Variants in KAZN observed in about 807,000 individuals in gnomAD.
KAZN encodes the protein kazrin, periplakin interacting protein.
A neutral mutation model predicts 87.4 loss-of-function variants in KAZN; 40 were observed. That is an observed-to-expected ratio of 0.46 (90% CI 0.36 to 0.60). The LOEUF (loss-of-function observed/expected upper bound fraction) is 0.60, where lower values mean the gene tolerates loss of function less well. Among genes scored for constraint, KAZN ranks in the 20% least tolerant of loss-of-function variants. The pLI is 0.00. For missense variants in KAZN, 898 were observed against 1,073.9 expected (o/e 0.84, Z 2.29); for synonymous variants, 466 against 458.3 (o/e 1.02, Z -0.22).
intron 1 of KAZN, among the ~76,000 whole-genome samples, chr1:14,821,494 G>T (rs538989574): frequency 6.6e-6 from 1 of 151,294 alleles, no homozygotes; most frequent in Non-Finnish European, 1.5e-5. Flanking sequence ...TCCAGCCAGG[G>T]TGACTGAGAC....
At chr1:14,541,537 A>G (rs1325903318) in intron 2 of KAZN, among the ~76,000 whole-genome samples, 1 of 152,210 alleles carries the variant, frequency 6.6e-6, no homozygotes, top group Non-Finnish European at 1.5e-5. Flanking sequence ...CTGATAAGCC[A>G]GGTAGCCTTG....
chr1:14,278,949 T>G (rs777021346), intron 2 of KAZN, among the ~76,000 whole-genome samples: 109 of 107,804 alleles, frequency 1.0e-3, no homozygotes, highest in Non-Finnish European at 2.1e-3. Flanking sequence ...TTTTTTTTTT[T>G]GGCAGGCAAG....
intron 2 of KAZN, among the ~76,000 whole-genome samples, chr1:14,189,709 A>C (rs1243593577): frequency 6.6e-6 from 1 of 152,160 alleles, no homozygotes; most frequent in Non-Finnish European, 1.5e-5. Context: ...TGTTTGTATC[A>C]AGTTTGCTGC....
chr1:14,823,484 AT>A (rs1007741952), intron 1 of KAZN, among the ~76,000 whole-genome samples: 2 of 152,100 alleles, frequency 1.3e-5, no homozygotes, highest in African/African-American at 4.8e-5. Context: ...AGTAGGAGGT[AT>A]TTGGAAATTT....
At chr1:14,279,139 A>G (rs763522345) in intron 2 of KAZN, among the ~76,000 whole-genome samples, 55 of 152,108 alleles carry the variant, frequency 3.6e-4, no homozygotes, top group Non-Finnish European at 6.9e-4. Context: ...TTGTCATATT[A>G]CTTATTTAAA....
Position 14,563,874 on chromosome 1 carries a change from C to CTTTTTTTTTTTTTTTTTTTTT in KAZN, c.250-35095_250-35094insTTTTTTTTTTTTTTTTTTTTT. 5.2e-3 allele frequency among the ~76,000 whole-genome samples: 508 copies of CTTTTTTTTTTTTTTTTTTTTT among 97,858 alleles called. 76 individuals are homozygous for CTTTTTTTTTTTTTTTTTTTTT. Among genetic ancestry groups the CTTTTTTTTTTTTTTTTTTTTT allele is most frequent in the East Asian group, 0.014 (30 of 2,206 alleles). 64.2% of individuals were successfully genotyped at this position (97,858 alleles called of 152,430 possible). A position where few individuals can be genotyped will look rare whatever the true frequency, so the allele number is the denominator to read the frequency against. On this transcript the variant is annotated intron_variant, in intron 2 of 16. Coordinates refer to the KAZN transcript ENST00000636203. ...TGCACTCAGAGTATGGTTCAAACTC[C>CTTTTTTTTTTTTTTTTTTTTT]TTTTTTTTTTTTTTGTCTGAGACAG...
At chr1:15,037,130 C>G (rs1372495932) in intron 3 of KAZN, among the ~76,000 whole-genome samples, 1 of 152,140 alleles carries the variant, frequency 6.6e-6, no homozygotes, top group African/African-American at 2.4e-5. Flanking sequence ...TCTCCATTCT[C>G]GGCCTAAGGA....
In KAZN at chr1:15,064,711, G is replaced by C. The variant is rs189919826; in HGVS notation, c.1099-919G>C. ...GGGCAAGTACCAAGCCATTGCCTTC[G>C]GCTGACGCAGGCTCCAGACTCCTCC... On this transcript the variant is annotated intron_variant, in intron 7 of 14. Coordinates refer to ENST00000376030, the MANE Select transcript of KAZN (RefSeq NM_201628.3). Among the ~76,000 whole-genome samples, 3 of 152,172 alleles carry C rather than the reference G, an allele frequency of 2.0e-5. No individual in the cohort carries two copies. The South Asian group carries it at 6.2e-4, about 32-fold the overall frequency.
intron 1 of KAZN, among the ~76,000 whole-genome samples, chr1:14,939,935 G>T (rs774318437): frequency 1.3e-5 from 2 of 152,168 alleles, no homozygotes; most frequent in Non-Finnish European, 2.9e-5. Flanking sequence ...GGAGTGCCAG[G>T]TTCCAAAGGC....
chr1:14,045,085 C>T (rs1032742102), intron 1 of KAZN, among the ~76,000 whole-genome samples: 1 of 152,192 alleles, frequency 6.6e-6, no homozygotes, highest in Non-Finnish European at 1.5e-5. Context: ...TACACAGATG[C>T]CAAAGCCATC....
At chr1:14,044,404 C>T (rs1441869701) in intron 1 of KAZN, among the ~76,000 whole-genome samples, 1 of 152,086 alleles carries the variant, frequency 6.6e-6, no homozygotes, top group African/African-American at 2.4e-5. Flanking sequence ...CCCACCAAGC[C>T]ATGTGACTTT....
chr1:14,630,288 C>G (rs1327582833), intron 1 of KAZN, among the ~76,000 whole-genome samples: 2 of 152,204 alleles, frequency 1.3e-5, no homozygotes, highest in Non-Finnish European at 2.9e-5. Context: ...GTAGTTGTTT[C>G]CTGTCCCTTC....
intron 1 of KAZN, among the ~76,000 whole-genome samples, chr1:14,883,358 A>G (rs199635150): frequency 0.02 from 694 of 34,818 alleles, 116 homozygotes; most frequent in East Asian, 0.056. Flanking sequence ...AAGAAAGAAA[A>G]GAAAGAAAGA....
intron 2 of KAZN, among the ~76,000 whole-genome samples, chr1:14,200,630 T>G (rs563962114): frequency 1.3e-5 from 2 of 152,248 alleles, no homozygotes; most frequent in Non-Finnish European, 2.9e-5. Flanking sequence ...TGTTAAAATG[T>G]GTAATATGGC....
chr1:14,571,048 C>T (rs1194202271), intron 2 of KAZN, among the ~76,000 whole-genome samples: 2 of 152,124 alleles, frequency 1.3e-5, no homozygotes, highest in Non-Finnish European at 2.9e-5. Context: ...TTCCATGCCC[C>T]GACCTCAACG....
chr1:14,300,934 C>T (rs1229301245), intron 2 of KAZN, among the ~76,000 whole-genome samples: 1 of 152,188 alleles, frequency 6.6e-6, no homozygotes, highest in Admixed American at 6.5e-5. Context: ...GGTGTGTCCC[C>T]TGCTAGAGAC....
At chr1:13,981,349 A>G (rs936144962) in intron 1 of KAZN, among the ~76,000 whole-genome samples, 1 of 149,666 alleles carries the variant, frequency 6.7e-6, no homozygotes, top group African/African-American at 2.4e-5. Context: ...TATACATTTA[A>G]TATTTATATT....
intron 1 of KAZN, among the ~76,000 whole-genome samples, chr1:13,942,006 G>T (rs2100970858): frequency 6.6e-6 from 1 of 152,314 alleles, no homozygotes; most frequent in East Asian, 1.9e-4. Context: ...CAGGAATTTT[G>T]GAAGTCTTAT....
At chr1:14,824,561 C>T (rs1171487579) in intron 1 of KAZN, among the ~76,000 whole-genome samples, 1 of 152,180 alleles carries the variant, frequency 6.6e-6, no homozygotes, top group African/African-American at 2.4e-5. Context: ...GCGACGCTTG[C>T]ATCTTGACTG....
Sources: allele counts gnomAD v4.1 joint callset (sites outside exome capture counted in the v4.1 genomes callset), GRCh38; gene constraint gnomAD v4.1.1; transcripts MANE v1.5; gene names NCBI Gene and HGNC (gene_info 2026-07-23, HGNC 2026-07-21).